Variants in ZCCHC7 observed in about 807,000 individuals in gnomAD.
The protein encoded by ZCCHC7 is zinc finger CCHC domain-containing protein 7.
ZCCHC7 carries 35 observed loss-of-function variants against 52.0 expected under a neutral mutation model. The observed-to-expected ratio is 0.67, with a 90% CI of 0.51 to 0.89. The LOEUF (loss-of-function observed/expected upper bound fraction) is 0.89, where lower values mean the gene tolerates loss of function less well. Among genes scored for constraint, ZCCHC7 ranks in the 40% least tolerant of loss-of-function variants. The pLI is 0.00. For synonymous variants in ZCCHC7, 217 were observed against 221.5 expected, an observed-to-expected ratio of 0.98 and a Z score of 0.18; for missense variants, 574 against 649.1, an observed-to-expected ratio of 0.88 and a Z score of 1.26.
chr9:37,165,286 T>C (rs1821357301), intron 2 of ZCCHC7, among the ~76,000 whole-genome samples: 1 of 152,122 alleles, frequency 6.6e-6, no homozygotes, highest in Non-Finnish European at 1.5e-5. Flanking sequence ...AAAAAGGCAG[T>C]TTTACTTCTT....
At chr9:37,311,591 G>A (rs1438326091) in intron 5 of ZCCHC7, among the ~76,000 whole-genome samples, 2 of 152,052 alleles carry the variant, frequency 1.3e-5, no homozygotes, top group Non-Finnish European at 2.9e-5. Flanking sequence ...TGTATTTTTA[G>A]TAGAGGTGTG....
chr9:37,334,786 A>G (rs1465426613), intron 6 of ZCCHC7, among the ~76,000 whole-genome samples: 2 of 152,078 alleles, frequency 1.3e-5, no homozygotes, highest in African/African-American at 4.8e-5. Flanking sequence ...GTGAAGAAAT[A>G]TATTACCTCT....
intron 2 of ZCCHC7, among the ~76,000 whole-genome samples, chr9:37,161,313 A>T (rs868470652): frequency 6.6e-6 from 1 of 152,082 alleles, no homozygotes; most frequent in East Asian, 1.9e-4. Flanking sequence ...GGTGGCTCAC[A>T]CCTGTAATCC....
chr9:37,301,260 C>T (rs1829018718), intron 2 of ZCCHC7, among the ~76,000 whole-genome samples: 2 of 152,128 alleles, frequency 1.3e-5, no homozygotes, highest in African/African-American at 4.8e-5. Flanking sequence ...CTTGAAGGAG[C>T]ACTCAATATC....
intron 2 of ZCCHC7, among the ~76,000 whole-genome samples, chr9:37,180,158 A>T (rs540918845): frequency 6.6e-6 from 1 of 152,312 alleles, no homozygotes; most frequent in South Asian, 2.1e-4. Context: ...TTGATATTCT[A>T]TAAATGTAAT....
At chr9:37,293,366 A>G (rs1015374220) in intron 2 of ZCCHC7, among the ~76,000 whole-genome samples, 2 of 152,208 alleles carry the variant, frequency 1.3e-5, no homozygotes, top group East Asian at 1.9e-4. Flanking sequence ...GTTAAAAGAA[A>G]TAATAGGATA....
chr9:37,217,207 C>T (rs1459090928), intron 2 of ZCCHC7, among the ~76,000 whole-genome samples: 1 of 151,992 alleles, frequency 6.6e-6, no homozygotes, highest in African/African-American at 2.4e-5. Flanking sequence ...TATATAATTA[C>T]CTTATTTCTA....
intron 2 of ZCCHC7, among the ~76,000 whole-genome samples, chr9:37,158,843 T>C (rs1319275149): frequency 6.6e-6 from 1 of 152,218 alleles, no homozygotes; most frequent in Non-Finnish European, 1.5e-5. Context: ...TAAAAAAATA[T>C]TAGTTTGTCT....
Position 37,357,508 on chromosome 9 carries a change from A to T in ZCCHC7, c.*240A>T. ...TGGACTTCTCCTATTCCAATATGTC[A>T]TCTTTACTCAGAATCCTAGGGATAG... is the stretch of plus-strand genomic sequence containing the variant. On this transcript the variant is annotated 3_prime_UTR_variant, in exon 9 of 9. Coordinates refer to ENST00000336755, the MANE Select transcript of ZCCHC7 (RefSeq NM_032226.3). The T allele has an allele frequency of 3.3e-6, 1 of 302,388 alleles. No individual in the cohort carries two copies. The highest frequency in any genetic ancestry group is 6.0e-6 in the Non-Finnish European group (1 of 166,604). The allele number at this position is 302,388 out of a possible 1,614,324, so 18.7% of individuals were successfully genotyped here. A position where few individuals can be genotyped will look rare whatever the true frequency, so the allele number is the denominator to read the frequency against.
chr9:37,222,768 A>G (rs1194187318), intron 2 of ZCCHC7, among the ~76,000 whole-genome samples: 1 of 152,152 alleles, frequency 6.6e-6, no homozygotes, highest in African/African-American at 2.4e-5. Context: ...CTATGTGATT[A>G]ATAAAAGGGC....
intron 2 of ZCCHC7, among the ~76,000 whole-genome samples, chr9:37,294,419 T>G (rs1476109847): frequency 6.6e-6 from 1 of 152,310 alleles, no homozygotes; most frequent in Middle Eastern, 3.4e-3. Flanking sequence ...CTTTAATCCA[T>G]AAACACTGGT....
chr9:37,184,507 T>C (rs146711150), intron 2 of ZCCHC7, among the ~76,000 whole-genome samples: 49 of 152,276 alleles, frequency 3.2e-4, no homozygotes, highest in African/African-American at 1.0e-3. Context: ...TCCTGATCTC[T>C]TATCCTGAAT....
intron 2 of ZCCHC7, among the ~76,000 whole-genome samples, chr9:37,128,437 C>T (rs1842630960): frequency 2.0e-5 from 3 of 152,258 alleles, no homozygotes; most frequent in East Asian, 1.9e-4. Context: ...TACTTTGAGG[C>T]AGTGGTTACC....
At chr9:37,197,726 T>C (rs1410230917) in intron 2 of ZCCHC7, among the ~76,000 whole-genome samples, 6 of 152,156 alleles carry the variant, frequency 3.9e-5, no homozygotes, top group Non-Finnish European at 2.9e-5. Context: ...AAAACAGCAA[T>C]TGCACTATTC....
chr9:37,316,195 G>T (rs1279819136), intron 5 of ZCCHC7, among the ~76,000 whole-genome samples: 1 of 151,976 alleles, frequency 6.6e-6, no homozygotes, highest in East Asian at 2.0e-4. Context: ...AAGTACCTGG[G>T]ACTACAGGCA....
chr9:37,226,135 T>C (rs1259946265), intron 2 of ZCCHC7, among the ~76,000 whole-genome samples: 1 of 152,224 alleles, frequency 6.6e-6, no homozygotes, highest in African/African-American at 2.4e-5. Context: ...CAACTAATTA[T>C]ATTTCTGTAT....
intron 2 of ZCCHC7, among the ~76,000 whole-genome samples, chr9:37,297,322 A>G (rs1489191116): frequency 6.6e-6 from 1 of 152,202 alleles, no homozygotes; most frequent in Non-Finnish European, 1.5e-5. Flanking sequence ...GAGGGCAAGC[A>G]CCATGTCTAA....
intron 2 of ZCCHC7, among the ~76,000 whole-genome samples, chr9:37,252,711 AC>A (rs1826388657): frequency 6.6e-6 from 1 of 152,186 alleles, no homozygotes; most frequent in Non-Finnish European, 1.5e-5. Context: ...AGTCACCCTT[AC>A]GTCAGTCAGA....
At chr9:37,284,508 C>A (rs574046162) in intron 2 of ZCCHC7, among the ~76,000 whole-genome samples, 1 of 151,960 alleles carries the variant, frequency 6.6e-6, no homozygotes, top group African/African-American at 2.4e-5. Flanking sequence ...GTTTTTACAG[C>A]TTTTTTGCTC....
Sources: gnomAD v4.1 joint callset for allele counts (sites outside exome capture counted in the v4.1 genomes callset) on GRCh38, gnomAD v4.1.1 for gene constraint, MANE v1.5 for transcripts, NCBI Gene and HGNC (gene_info 2026-07-23, HGNC 2026-07-21) for gene names.